Variants in CENPP observed in about 807,000 individuals in gnomAD.
The protein encoded by CENPP is centromere protein P.
A neutral mutation model predicts 35.6 loss-of-function variants in CENPP; 24 were observed. That is an observed-to-expected ratio of 0.67 (90% CI 0.49 to 0.95). CENPP has a LOEUF of 0.95. Ranked by LOEUF, CENPP falls within the 40% of genes least tolerant of loss-of-function variation. The pLI is 0.00. For missense variants in CENPP, 332 were observed against 345.3 expected (o/e 0.96, Z 0.31); for synonymous variants, 120 against 125.5 (o/e 0.96, Z 0.29).
At chr9:92,431,000 C>T (rs370094595) in intron 5 of CENPP, among the ~76,000 whole-genome samples, 3 of 151,914 alleles carry the variant, frequency 2.0e-5, no homozygotes, top group Non-Finnish European at 4.4e-5. Flanking sequence ...TTCACCATGT[C>T]GGCCAGGATG....
intron 4 of CENPP, among the ~76,000 whole-genome samples, chr9:92,349,802 TACAA>T (rs1267202007): frequency 6.6e-6 from 1 of 152,252 alleles, no homozygotes; most frequent in Non-Finnish European, 1.5e-5. Context: ...TTCATGCTGC[TACAA>T]ACATTCATAT....
At chr9:92,380,603 T>C (rs1842220338) in intron 5 of CENPP, among the ~76,000 whole-genome samples, 1 of 152,250 alleles carries the variant, frequency 6.6e-6, no homozygotes, top group Admixed American at 6.5e-5. Context: ...TTGGTTGAGC[T>C]AATAAAATCT....
At chr9:92,366,203 T>G (rs1172289095) in intron 4 of CENPP, among the ~76,000 whole-genome samples, 1 of 151,408 alleles carries the variant, frequency 6.6e-6, no homozygotes, top group African/African-American at 2.4e-5. Context: ...AAAAAAGAAT[T>G]ATTTCCAGGG....
At chr9:92,569,091 C>T (rs1850069405) in intron 5 of CENPP, among the ~76,000 whole-genome samples, 1 of 152,104 alleles carries the variant, frequency 6.6e-6, no homozygotes, top group Admixed American at 6.6e-5. Flanking sequence ...TTTAGTAGAT[C>T]CCATTTGTCA....
chr9:92,518,099 C>A (rs2131223846), intron 5 of CENPP, among the ~76,000 whole-genome samples: 1 of 152,270 alleles, frequency 6.6e-6, no homozygotes, highest in African/African-American at 2.4e-5. Flanking sequence ...GAGTGAACTC[C>A]TCATGGTAAC....
At chr9:92,570,528 TC>T (rs1222137117) in intron 5 of CENPP, among the ~76,000 whole-genome samples, 7 of 152,164 alleles carry the variant, frequency 4.6e-5, no homozygotes, top group African/African-American at 1.4e-4. Flanking sequence ...GGGATATTGG[TC>T]TAAAATGCTC....
intron 5 of CENPP, among the ~76,000 whole-genome samples, chr9:92,429,303 G>A (rs1052445146): frequency 2.0e-5 from 3 of 152,106 alleles, no homozygotes; most frequent in African/African-American, 7.2e-5. Context: ...CTTACCTGGT[G>A]AACTCATCAG....
chr9:92,357,826 G>A (rs1259548663), intron 4 of CENPP, among the ~76,000 whole-genome samples: 2 of 150,002 alleles, frequency 1.3e-5, no homozygotes, highest in African/African-American at 5.0e-5. Flanking sequence ...GGACAGTTTT[G>A]CAGAATAGAA....
At chr9:92,417,615 T>C (rs1278889400) in intron 5 of CENPP, 1 of 1,038,036 alleles carries the variant, frequency 9.6e-7, no homozygotes, top group African/African-American at 1.6e-5. Context: ...AGAAAGTGAG[T>C]AAACTCAGAA....
Position 92,406,127 on chromosome 9 carries a change from G to A in CENPP, c.564+26268G>A, listed in dbSNP as rs553502920. Among the ~76,000 whole-genome samples, 9 of 152,306 alleles carry A rather than the reference G, an allele frequency of 5.9e-5. No individual in the cohort carries two copies. In the South Asian group the frequency reaches 1.2e-3, roughly 21 times the overall value. On this transcript the variant is annotated intron_variant, in intron 5 of 7. Transcript: ENST00000375587. ...GAGAGGATAGGAGAGGAGGGTAAGC[G>A]CAGGTGATGAGGTATTCTAGGCAAG...
intron 4 of CENPP, among the ~76,000 whole-genome samples, chr9:92,376,572 G>A (rs1842128946): frequency 6.6e-6 from 1 of 152,200 alleles, no homozygotes; most frequent in Non-Finnish European, 1.5e-5. Flanking sequence ...TGAGCTTGAG[G>A]AGGCAGTGTC....
At chr9:92,541,100 A>T (rs1333431556) in intron 5 of CENPP, among the ~76,000 whole-genome samples, 1 of 151,906 alleles carries the variant, frequency 6.6e-6, no homozygotes, top group Admixed American at 6.6e-5. Context: ...TCTCTACTAA[A>T]AAAACAAAAT....
intron 4 of CENPP, among the ~76,000 whole-genome samples, chr9:92,353,845 T>C (rs766034698): frequency 2.0e-5 from 3 of 152,150 alleles, no homozygotes; most frequent in Non-Finnish European, 4.4e-5. Flanking sequence ...CCCATGAATC[T>C]TGGCTATGGA....
chr9:92,353,243 C>A (rs1841508965), intron 4 of CENPP, among the ~76,000 whole-genome samples: 1 of 152,198 alleles, frequency 6.6e-6, no homozygotes, highest in Non-Finnish European at 1.5e-5. Flanking sequence ...CAATTACAGT[C>A]CCCGTTTCTG....
intron 4 of CENPP, 129 bp downstream of exon 4, chr9:92,345,916 G>T (rs1450659971): frequency 3.5e-6 from 2 of 578,968 alleles, no homozygotes; most frequent in East Asian, 2.9e-5. Flanking sequence ...CCACTGTTGT[G>T]CTTATATTTG....
At chr9:92,403,247 C>A (rs961051620) in intron 5 of CENPP, 28 of 1,569,050 alleles carry the variant, frequency 1.8e-5, no homozygotes, top group Non-Finnish European at 2.3e-5. Context: ...AATATTTTTT[C>A]CATCCAGGTA....
chr9:92,460,048 C>T (rs1053858194), intron 5 of CENPP, among the ~76,000 whole-genome samples: 8 of 147,218 alleles, frequency 5.4e-5, no homozygotes, highest in Admixed American at 4.1e-4. Context: ...GTGGTAATAA[C>T]GGTGGTTCTT....
chr9:92,528,392 T>C (rs1272610771), intron 5 of CENPP, among the ~76,000 whole-genome samples: 2 of 152,144 alleles, frequency 1.3e-5, no homozygotes, highest in Non-Finnish European at 2.9e-5. Flanking sequence ...GAGACTAGTG[T>C]TCCTAGGGCA....
chr9:92,339,856 G>A (rs984408664), intron 3 of CENPP: 9 of 153,728 alleles, frequency 5.9e-5, no homozygotes, highest in Non-Finnish European at 1.2e-4. Flanking sequence ...GGGACTCCTG[G>A]ATGTTGTCCC....
Sources: allele counts gnomAD v4.1 joint callset (sites outside exome capture counted in the v4.1 genomes callset), GRCh38; gene constraint gnomAD v4.1.1; transcripts MANE v1.5; gene names NCBI Gene and HGNC (gene_info 2026-07-23, HGNC 2026-07-21).